MAPK10: variants seen among roughly 807,000 people sequenced by gnomAD.
MAPK10 encodes mitogen-activated protein kinase 10.
MAPK10 carries 25 observed loss-of-function variants against 59.3 expected under a neutral mutation model. The observed-to-expected ratio is 0.42, with a 90% confidence interval of 0.31 to 0.59. The LOEUF is 0.59. MAPK10 is among the 20% of genes least tolerant of loss of function. The pLI is 0.15. For synonymous variants in MAPK10, 190 were observed against 200.5 expected (o/e 0.95, Z 0.44); for missense variants, 351 against 568.9 (o/e 0.62, Z 3.90).
chr4:86,241,270 T>G (rs961547035), intron 2 of MAPK10, among the ~76,000 whole-genome samples: 2 of 152,116 alleles, frequency 1.3e-5, no homozygotes, highest in African/African-American at 4.8e-5. Flanking sequence ...CCCTTAACAG[T>G]TTTTCCTTCA....
chr4:86,367,238 G>T (rs1738042178), intron 1 of MAPK10, among the ~76,000 whole-genome samples: 1 of 152,098 alleles, frequency 6.6e-6, no homozygotes, highest in Non-Finnish European at 1.5e-5. Flanking sequence ...TGAATCAATA[G>T]AACATGCTGA....
intron 2 of MAPK10, among the ~76,000 whole-genome samples, chr4:86,296,989 G>A (rs1019988508): frequency 2.6e-5 from 4 of 152,132 alleles, no homozygotes; most frequent in African/African-American, 9.7e-5. Context: ...GAATCCTCTG[G>A]AAGGGTTAGA....
At chr4:86,253,342 C>T (rs1463895996) in intron 2 of MAPK10, among the ~76,000 whole-genome samples, 3 of 103,344 alleles carry the variant, frequency 2.9e-5, no homozygotes, top group Admixed American at 2.7e-4. Context: ...TTTTGAAATA[C>T]GTCCCATCAA....
chr4:86,355,989 T>C (rs921069701), intron 1 of MAPK10, among the ~76,000 whole-genome samples: 1 of 152,112 alleles, frequency 6.6e-6, no homozygotes, highest in Non-Finnish European at 1.5e-5. Context: ...GACAAGTCAC[T>C]AAGATGAATT....
intron 9 of MAPK10, chr4:86,091,537 T>C (rs1338571100): frequency 7.2e-5 from 1 of 13,850 alleles, no homozygotes; most frequent in Admixed American, 1.4e-3. Flanking sequence ...AATCCCTTGA[T>C]TTTTTTTTTT....
At chr4:86,166,001 T>C (rs2071568763) in intron 3 of MAPK10, among the ~76,000 whole-genome samples, 1 of 152,158 alleles carries the variant, frequency 6.6e-6, no homozygotes, top group Non-Finnish European at 1.5e-5. Context: ...CAGTAATCAA[T>C]AGTAGAGCTG....
chr4:86,078,865 T>C (rs191350117), intron 9 of MAPK10, among the ~76,000 whole-genome samples: 3 of 152,146 alleles, frequency 2.0e-5, no homozygotes, highest in African/African-American at 7.2e-5. Flanking sequence ...GGCACATGCC[T>C]GTAATCCCAG....
At chr4:86,146,472 T>C (rs1286164567) in intron 4 of MAPK10, among the ~76,000 whole-genome samples, 2 of 152,306 alleles carry the variant, frequency 1.3e-5, no homozygotes, top group East Asian at 1.9e-4. Context: ...TTTTTCCTTT[T>C]CTTGGGCACA....
chr4:86,077,256 T>C (rs2049690248), intron 9 of MAPK10, among the ~76,000 whole-genome samples: 3 of 152,160 alleles, frequency 2.0e-5, no homozygotes, highest in Non-Finnish European at 4.4e-5. Flanking sequence ...AATCCTAAGA[T>C]TGAAAATTTT....
At chr4:86,384,025 C>T (rs1191329339) in intron 1 of MAPK10, 2 of 152,156 alleles carry the variant, frequency 1.3e-5, no homozygotes, top group African/African-American at 4.8e-5. Flanking sequence ...GCCTAATAGA[C>T]TAGTTTGTAC....
At chr4:86,583,638 A>T (rs1175171592) in intron 1 of MAPK10, among the ~76,000 whole-genome samples, 1 of 152,186 alleles carries the variant, frequency 6.6e-6, no homozygotes, top group Non-Finnish European at 1.5e-5. Flanking sequence ...GATATTGTTG[A>T]GCTACTGCAC....
intron 1 of MAPK10, among the ~76,000 whole-genome samples, chr4:86,380,599 T>G (rs1046606954): frequency 7.9e-5 from 12 of 152,190 alleles, no homozygotes; most frequent in African/African-American, 2.9e-4. Context: ...TTCAATGTTT[T>G]TAAATAAAAA....
chr4:86,334,563 T>A (rs1719900391), intron 2 of MAPK10, among the ~76,000 whole-genome samples: 1 of 152,092 alleles, frequency 6.6e-6, no homozygotes, highest in South Asian at 2.1e-4. Context: ...CTCTCCCTCT[T>A]ACACAACTTT....
intron 1 of MAPK10, among the ~76,000 whole-genome samples, chr4:86,442,388 C>T (rs1183721440): frequency 1.3e-5 from 2 of 152,080 alleles, no homozygotes; most frequent in African/African-American, 2.4e-5. Context: ...TATGTGAAAG[C>T]AAAGAAAACT....
intron 2 of MAPK10, among the ~76,000 whole-genome samples, chr4:86,198,514 A>C (rs956884893): frequency 1.3e-5 from 2 of 152,114 alleles, no homozygotes; most frequent in African/African-American, 4.8e-5. Flanking sequence ...AGGCTAATTT[A>C]TGAACTTGCA....
intron 1 of MAPK10, among the ~76,000 whole-genome samples, chr4:86,369,373 A>G (rs1278038230): frequency 6.6e-6 from 1 of 152,242 alleles, no homozygotes; most frequent in Non-Finnish European, 1.5e-5. Flanking sequence ...ATATGAGAAG[A>G]CTTTTTCAAT....
intron 2 of MAPK10, among the ~76,000 whole-genome samples, chr4:86,241,476 G>C (rs897472767): frequency 3.3e-5 from 5 of 152,062 alleles, no homozygotes; most frequent in Non-Finnish European, 7.4e-5. Context: ...ATCAATTGTA[G>C]CTTTGGTCTT....
chr4:86,310,095 C>T (rs1272821350), intron 2 of MAPK10, among the ~76,000 whole-genome samples: 1 of 152,164 alleles, frequency 6.6e-6, no homozygotes, highest in Non-Finnish European at 1.5e-5. Context: ...TTATTTCTCA[C>T]CTATCTCTGA....
chr4:86,574,541 A>G (rs1209282055), intron 1 of MAPK10, among the ~76,000 whole-genome samples: 8 of 152,000 alleles, frequency 5.3e-5, no homozygotes, highest in Admixed American at 2.6e-4. Context: ...AAGTGTTCCT[A>G]TTTCTCCACA....
Sources: allele counts gnomAD v4.1 joint callset (sites outside exome capture counted in the v4.1 genomes callset), GRCh38; gene constraint gnomAD v4.1.1; transcripts MANE v1.5; gene names NCBI Gene and HGNC (gene_info 2026-07-23, HGNC 2026-07-21).